PRKCA: variants seen among roughly 807,000 people sequenced by gnomAD.
PRKCA encodes protein kinase C alpha.
Under a neutral mutation model 87.0 loss-of-function variants are expected in PRKCA, and 27 were observed. The observed-to-expected ratio is 0.31, with a 90% confidence interval of 0.23 to 0.43. The LOEUF is 0.43. PRKCA is among the 20% of genes least tolerant of loss of function. The pLI is 1.00. For synonymous variants in PRKCA, 329 were observed against 311.1 expected (o/e 1.06, Z -0.61); for missense variants, 518 against 852.3 (o/e 0.61, Z 4.88).
intron 3 of PRKCA, among the ~76,000 whole-genome samples, chr17:66,529,340 C>T (rs1167467591): frequency 6.6e-6 from 1 of 152,094 alleles, no homozygotes; most frequent in East Asian, 1.9e-4. Flanking sequence ...AGCAGCTGAC[C>T]TGGTGGGCTT....
intron 2 of PRKCA, among the ~76,000 whole-genome samples, chr17:66,414,068 G>A (rs1196071453): frequency 1.3e-5 from 2 of 151,776 alleles, no homozygotes; most frequent in Non-Finnish European, 2.9e-5. Flanking sequence ...AAATAGATAG[G>A]GACGTAATTT....
At chr17:66,534,302 A>G (rs1016803632) in intron 3 of PRKCA, among the ~76,000 whole-genome samples, 1 of 152,020 alleles carries the variant, frequency 6.6e-6, no homozygotes, top group East Asian at 1.9e-4. Flanking sequence ...CTGGTATTTC[A>G]TATCTGATGA....
At chr17:66,368,382 ATATATTTTTT>A (rs1908880263) in intron 2 of PRKCA, among the ~76,000 whole-genome samples, 37 of 34,558 alleles carry the variant, frequency 1.1e-3, no homozygotes, top group South Asian at 5.0e-3. Context: ...ATATATATAT[ATATATTTTTT>A]TTTTTTTTTT....
intron 8 of PRKCA, among the ~76,000 whole-genome samples, chr17:66,709,004 C>G (rs768069315): frequency 6.6e-6 from 1 of 152,120 alleles, no homozygotes; most frequent in African/African-American, 2.4e-5. Context: ...TAACCCATAC[C>G]TGGTAAAAGA....
At position 66,375,974 on chromosome 17, in the gene PRKCA, A is replaced by G. The variant is rs560319376; in HGVS notation, c.205+69847A>G. Among the ~76,000 whole-genome samples the G allele has an allele frequency of 1.6e-4, 24 of 152,352 alleles. No homozygotes were observed. The South Asian group carries it at 4.8e-3, about 30-fold the overall frequency. Reference sequence around the variant, plus strand: ...GGATAATGAAGTGCTGGGCACTTGCAAAACATGATTTACAATCTCAGCAAA... The same window carrying G: ...GGATAATGAAGTGCTGGGCACTTGCGAAACATGATTTACAATCTCAGCAAA... On this transcript the variant is annotated intron_variant, in intron 2 of 16. Transcript: ENST00000413366.
In PRKCA at chr17:66,317,859, A is replaced by G. The variant is rs143927862; in HGVS notation, c.205+11732A>G. 7.9e-3 allele frequency among the ~76,000 whole-genome samples: 1,203 copies of G among 152,338 alleles called. 20 individuals are homozygous for G. Among genetic ancestry groups the G allele is most frequent in the African/African-American group, 0.027 (1,128 of 41,576 alleles). ...ACATCCTAAGTGAATGAACTGTCCTAAAATGTGAAAATGGGAGATTACTCA... is the reference window on the plus strand; with the variant it reads ...ACATCCTAAGTGAATGAACTGTCCTGAAATGTGAAAATGGGAGATTACTCA... On this transcript the variant is annotated intron_variant, in intron 2 of 16. Coordinates refer to ENST00000413366, the MANE Select transcript of PRKCA (RefSeq NM_002737.3).
At chr17:66,316,341 T>TCTGAATCATGTTCAGA (rs1399779214) in intron 2 of PRKCA, among the ~76,000 whole-genome samples, 8 of 152,304 alleles carry the variant, frequency 5.3e-5, no homozygotes, top group African/African-American at 1.9e-4. Flanking sequence ...AGAACAAAGT[T>TCTGAATCATGTTCAGA]ACAAATACAG....
At chr17:66,722,786 G>T (rs968031707) in intron 8 of PRKCA, among the ~76,000 whole-genome samples, 7 of 152,012 alleles carry the variant, frequency 4.6e-5, no homozygotes, top group Non-Finnish European at 1.0e-4. Context: ...CTGGATTCTG[G>T]GTTGTTGAAT....
intron 5 of PRKCA, among the ~76,000 whole-genome samples, chr17:66,650,211 T>G (rs1001583812): frequency 3.3e-5 from 5 of 152,238 alleles, no homozygotes; most frequent in Non-Finnish European, 7.3e-5. Context: ...GAGCTCTGCT[T>G]CAGGATGGAA....
intron 8 of PRKCA, among the ~76,000 whole-genome samples, chr17:66,705,232 T>C (rs1037829921): frequency 3.3e-5 from 5 of 152,250 alleles, no homozygotes; most frequent in African/African-American, 1.2e-4. Flanking sequence ...ATCCTTCAGC[T>C]TTGTCTTAGA....
Position 66,544,998 on chromosome 17 carries a change from C to T in PRKCA, c.288+48715C>T, listed in dbSNP as rs150459332. Among the ~76,000 whole-genome samples the T allele has an allele frequency of 6.3e-3, 963 of 152,172 alleles. 7 individuals carry two copies. Among genetic ancestry groups the T allele is most frequent in the Non-Finnish European group, 0.011 (731 of 68,012 alleles). ...GATCACGAAATGATAAGTAACTTACCGAAAGTTACATTATTTAAGTTAATC... is the reference window on the plus strand; with the variant it reads ...GATCACGAAATGATAAGTAACTTACTGAAAGTTACATTATTTAAGTTAATC... On this transcript the variant is annotated intron_variant, in intron 3 of 16. Coordinates refer to ENST00000413366, the MANE Select transcript of PRKCA (RefSeq NM_002737.3).
chr17:66,344,053 G>C (rs1180027663), intron 2 of PRKCA, among the ~76,000 whole-genome samples: 1 of 152,100 alleles, frequency 6.6e-6, no homozygotes, highest in African/African-American at 2.4e-5. Context: ...TTCCAGGGGG[G>C]CCTTGGCTCA....
chr17:66,574,594 C>T (rs1056000832), intron 3 of PRKCA, among the ~76,000 whole-genome samples: 4 of 152,082 alleles, frequency 2.6e-5, no homozygotes, highest in Admixed American at 6.5e-5. Context: ...GGTTGATTAT[C>T]CCTAATCTGA....
At chr17:66,550,007 A>C (rs1337740638) in intron 3 of PRKCA, among the ~76,000 whole-genome samples, 2 of 151,962 alleles carry the variant, frequency 1.3e-5, no homozygotes, top group Admixed American at 1.3e-4. Context: ...TTCTCTTTAG[A>C]CTCTTAAGAC....
intron 2 of PRKCA, among the ~76,000 whole-genome samples, chr17:66,434,183 C>A (rs1913244866): frequency 6.6e-6 from 1 of 151,690 alleles, no homozygotes; most frequent in African/African-American, 2.4e-5. Flanking sequence ...CTGCTTGAGT[C>A]TTGAGGTTTG....
intron 3 of PRKCA, among the ~76,000 whole-genome samples, chr17:66,619,277 G>A (rs879837686): frequency 1.7e-4 from 26 of 152,116 alleles, no homozygotes; most frequent in Non-Finnish European, 3.1e-4. Flanking sequence ...ACTCTCTTTC[G>A]TATCATCTAG....
chr17:66,530,492 C>T (rs950833271), intron 3 of PRKCA, among the ~76,000 whole-genome samples: 1 of 152,182 alleles, frequency 6.6e-6, no homozygotes, highest in East Asian at 1.9e-4. Flanking sequence ...AAAAGCACCA[C>T]GGGAGCTTTG....
chr17:66,328,143 C>T (rs531434432), intron 2 of PRKCA, among the ~76,000 whole-genome samples: 2 of 152,228 alleles, frequency 1.3e-5, no homozygotes, highest in South Asian at 2.1e-4. Flanking sequence ...CTCCTGGGCT[C>T]GGTCCTCCTG....
intron 2 of PRKCA, among the ~76,000 whole-genome samples, chr17:66,307,345 T>C (rs965811896): frequency 2.0e-5 from 3 of 152,182 alleles, no homozygotes; most frequent in Admixed American, 6.5e-5. Flanking sequence ...CTCTTTCTAG[T>C]TCTCAAAGTT....
Sources: gnomAD v4.1 joint callset for allele counts (sites outside exome capture counted in the v4.1 genomes callset) on GRCh38, gnomAD v4.1.1 for gene constraint, MANE v1.5 for transcripts, NCBI Gene and HGNC (gene_info 2026-07-23, HGNC 2026-07-21) for gene names.